The following CFAP54 variants were observed in gnomAD, a reference collection of about 807,000 sequenced individuals.
The protein encoded by CFAP54 is cilia- and flagella-associated protein 54.
CFAP54 carries 290 observed loss-of-function variants against 370.4 expected under a neutral mutation model. The observed-to-expected ratio is 0.78, with a 90% CI of 0.71 to 0.86. CFAP54 has a LOEUF of 0.86. CFAP54 is among the 40% of genes least tolerant of loss of function. The pLI is 0.00. For synonymous variants in CFAP54, 1,206 were observed against 1,236.5 expected (o/e 0.98, Z 0.52); for missense variants, 3,399 against 3,528.7 (o/e 0.96, Z 0.93).
intron 39 of CFAP54, among the ~76,000 whole-genome samples, chr12:96,665,867 T>C (rs1198764583): frequency 6.6e-6 from 1 of 152,216 alleles, no homozygotes; most frequent in Non-Finnish European, 1.5e-5. Flanking sequence ...ATCTCAATGG[T>C]AGTTCAATAG....
At chr12:96,515,910 A>ATT (rs1955225942) in intron 5 of CFAP54, among the ~76,000 whole-genome samples, 3 of 95,874 alleles carry the variant, frequency 3.1e-5, no homozygotes, top group African/African-American at 1.4e-4. Flanking sequence ...CATTACCTCT[A>ATT]TGTTTTTTTT....
intron 64 of CFAP54, among the ~76,000 whole-genome samples, chr12:96,817,544 C>T (rs569284724): frequency 2.0e-5 from 3 of 152,014 alleles, no homozygotes; most frequent in African/African-American, 7.2e-5. Flanking sequence ...CCTCAGCCTC[C>T]TGAGTAGCTG....
intron 26 of CFAP54, among the ~76,000 whole-genome samples, 192 bp downstream of exon 26, chr12:96,598,959 G>A (rs1335223808): frequency 1.3e-5 from 2 of 151,912 alleles, no homozygotes; most frequent in East Asian, 3.9e-4. Context: ...AAACTGTGGT[G>A]CTTCACAAAC....
chr12:96,675,896 C>T (rs914314443), intron 39 of CFAP54, among the ~76,000 whole-genome samples: 3 of 149,430 alleles, frequency 2.0e-5, no homozygotes, highest in African/African-American at 7.4e-5. Flanking sequence ...GATGAGAATA[C>T]ATGGACCCAG....
rs565023566 is a variant in CFAP54 at position 96,811,989 on chromosome 12, T to C, written c.8957+147T>C. 3.6e-4 allele frequency: 200 copies of C among 548,514 alleles called. No homozygotes were observed. The Admixed American group carries it at 6.9e-3, about 19-fold the overall frequency. The allele number at this position is 548,514 out of a possible 1,614,324, so 34.0% of individuals were successfully genotyped here. A position where few individuals can be genotyped will look rare whatever the true frequency, so the allele number is the denominator to read the frequency against. ...TCCTTTTGTTTAGAGGAATATTATA[T>C]TGCAGTGCTTAAGGGCATGAACTCT... On this transcript the variant is annotated intron_variant, in intron 64 of 67. Coordinates refer to ENST00000524981, the MANE Select transcript of CFAP54 (RefSeq NM_001306084.2).
chr12:96,494,636 AT>A (rs956736960), intron 1 of CFAP54, among the ~76,000 whole-genome samples: 1 of 152,066 alleles, frequency 6.6e-6, no homozygotes, highest in African/African-American at 2.4e-5. Context: ...TGATGATCAT[AT>A]CCAAAGGGAA....
chr12:96,782,411 C>T (rs1487106119), intron 60 of CFAP54, among the ~76,000 whole-genome samples: 1 of 152,108 alleles, frequency 6.6e-6, no homozygotes, highest in Admixed American at 6.5e-5. Flanking sequence ...CACATAGACA[C>T]TTCCCAAGAA....
chr12:96,638,745 A>T (rs941724200), intron 32 of CFAP54, among the ~76,000 whole-genome samples: 3 of 152,098 alleles, frequency 2.0e-5, no homozygotes, highest in South Asian at 2.1e-4. Flanking sequence ...TTATTTTTGT[A>T]TATTGACTTT....
chr12:96,659,952 T>C (rs1956973668), intron 38 of CFAP54, among the ~76,000 whole-genome samples: 1 of 152,254 alleles, frequency 6.6e-6, no homozygotes, highest in Non-Finnish European at 1.5e-5. Context: ...TCTGAGTTCC[T>C]GTTTCATAAA....
chr12:96,672,046 C>A (rs1269845527), intron 39 of CFAP54, among the ~76,000 whole-genome samples: 2 of 152,070 alleles, frequency 1.3e-5, no homozygotes, highest in Non-Finnish European at 2.9e-5. Flanking sequence ...TAACTTAGCA[C>A]CGTCAGGAAC....
At chr12:96,852,032 A>C (rs1959559898) in intron 66 of CFAP54, among the ~76,000 whole-genome samples, 1 of 152,130 alleles carries the variant, frequency 6.6e-6, no homozygotes, top group African/African-American at 2.4e-5. Context: ...CTGTACTATC[A>C]CTGGAAATAT....
chr12:96,625,765 C>A lies in CFAP54; in HGVS notation c.3934C>A (p.Pro1312Thr), dbSNP rs1314000043. The change falls in exon 29 of 68, where the codon CCT becomes ACT. Residue 1312 changes from proline to threonine, a missense_variant. Coordinates refer to ENST00000524981, the MANE Select transcript of CFAP54 (RefSeq NM_001306084.2). ...AGGAGAGGACCCTATATTTCTTTAT[C>A]CTGTAGTTTTGAATTGGTCGGTCAA... ...SGGEDPIFLY[P>T]VVLNWSVKGA... is the part of the protein sequence containing the mutation. The A allele has an allele frequency of 3.3e-6, 5 of 1,535,712 alleles. No homozygotes were observed. In the African/African-American group the frequency reaches 6.8e-5, roughly 21 times the overall value.
chr12:96,640,251 G>A (rs537670543), intron 32 of CFAP54, among the ~76,000 whole-genome samples: 17 of 152,178 alleles, frequency 1.1e-4, no homozygotes, highest in Non-Finnish European at 2.5e-4. Flanking sequence ...CGAAATCAAT[G>A]TGCAAAAATC....
intron 26 of CFAP54, among the ~76,000 whole-genome samples, chr12:96,601,024 C>T (rs1020201888): frequency 6.6e-6 from 1 of 152,138 alleles, no homozygotes; most frequent in Non-Finnish European, 1.5e-5. Context: ...GAGAGGGCAT[C>T]CTTGTCTTGT....
At position 96,580,688 on chromosome 12, in the gene CFAP54, C is replaced by A. The variant is rs971001596; in HGVS notation, c.2888C>A (p.Ala963Glu). The A allele has an allele frequency of 1.3e-6, 2 of 1,494,306 alleles. No individual in the cohort carries two copies. The highest frequency in any genetic ancestry group is 4.1e-5 in the Admixed American group (2 of 48,530). The allele number at this position is 1,494,306 out of a possible 1,614,324, so 92.6% of individuals were successfully genotyped here. The change falls in exon 21 of 68, where the codon GCG becomes GAG. Residue 963 changes from alanine to glutamate, a missense_variant and splice_region_variant. Ala to Glu is a moderately radical substitution (Grantham distance 107). Coordinates refer to ENST00000524981, the MANE Select transcript of CFAP54 (RefSeq NM_001306084.2). ...AATCATCTCCCAAATTCAGGAGAAG[C>A]GGTACGTCAAATTAAACATCAGGAA... ...NNNHLPNSGE[A>E]IPADGKSVFE... is the part of the protein sequence containing the mutation.
intron 14 of CFAP54, 69 bp downstream of exon 14, chr12:96,541,056 G>A: frequency 9.9e-7 from 1 of 1,009,158 alleles, no homozygotes; most frequent in Non-Finnish European, 1.3e-6. Flanking sequence ...TCAAATGCAG[G>A]ATAACTCCTA....
At chr12:96,867,286 TA>T (rs761380616) in intron 67 of CFAP54, among the ~76,000 whole-genome samples, 4 of 152,022 alleles carry the variant, frequency 2.6e-5, no homozygotes, top group Non-Finnish European at 5.9e-5. Flanking sequence ...TCTCTTTATT[TA>T]AAAAAAAATT....
intron 26 of CFAP54, among the ~76,000 whole-genome samples, chr12:96,616,061 C>G (rs1409630990): frequency 6.6e-6 from 1 of 152,170 alleles, no homozygotes; most frequent in Non-Finnish European, 1.5e-5. Context: ...GACACATGCA[C>G]ACATATGTTT....
In CFAP54 at chr12:96,658,324, A is replaced by G. The variant is rs1002904602; in HGVS notation, c.5438A>G (p.Tyr1813Cys). 5 of 1,614,034 alleles carry G rather than the reference A, an allele frequency of 3.1e-6. No homozygotes were observed. The highest frequency in any genetic ancestry group is 1.3e-5 in the African/African-American group (1 of 74,934). ...PDITQQPCAR[Y>C]EAEYGEKITC... ...ATTACCCAACAACCTTGTGCAAGGT[A>G]TGAGGCTGAATATGGAGAGAAGGTA... is the stretch of plus-strand genomic sequence containing the variant. The change falls in exon 38 of 68, where the codon TAT becomes TGT. Residue 1813 changes from tyrosine to cysteine, a missense_variant. By Grantham distance (194) the Tyr-to-Cys change is radical (BLOSUM62 -2). Around this residue, in one of 3 missense-constraint regions of CFAP54, gnomAD observed 2,796 missense variants for 2,869.7 expected, o/e 0.97. Transcript: ENST00000524981.
Sources: gnomAD v4.1 joint callset for allele counts (sites outside exome capture counted in the v4.1 genomes callset) on GRCh38, gnomAD v4.1.1 for gene constraint, gnomAD v4.1.1 regional missense constraint, MANE v1.5 for transcripts, NCBI Gene and HGNC (gene_info 2026-07-23, HGNC 2026-07-21) for gene names.